ANXA7: variants seen among roughly 807,000 people sequenced by gnomAD.
ANXA7 encodes the protein annexin VII.
A neutral mutation model predicts 64.9 loss-of-function variants in ANXA7; 55 were observed. The ratio of observed to expected loss-of-function variants is 0.85; its 90% confidence interval spans 0.68 to 1.06. The LOEUF (loss-of-function observed/expected upper bound fraction) is 1.06, where lower values mean the gene tolerates loss of function less well. Ranked by LOEUF, ANXA7 falls within the 50% of genes least tolerant of loss-of-function variation. ANXA7 has a pLI of 0.00. For missense variants in ANXA7, 548 were observed against 582.1 expected (o/e 0.94, Z 0.60); for synonymous variants, 200 against 192.4 (o/e 1.04, Z -0.33).
intron 3 of ANXA7, 79 bp downstream of exon 3, chr10:73,398,102 G>A (rs1476542096): frequency 7.1e-6 from 10 of 1,410,116 alleles, no homozygotes; most frequent in Non-Finnish European, 9.6e-6. Context: ...AAAACAAGCA[G>A]GAATGAAGAG....
chr10:73,412,271 G>C (rs546564619), intron 1 of ANXA7, among the ~76,000 whole-genome samples: 10 of 151,600 alleles, frequency 6.6e-5, no homozygotes, highest in Non-Finnish European at 1.2e-4. Context: ...TCCTGACCTC[G>C]TGATCCTCCC....
intron 12 of ANXA7, among the ~76,000 whole-genome samples, chr10:73,377,063 T>C (rs1236105901): frequency 6.6e-6 from 1 of 152,164 alleles, no homozygotes; most frequent in Non-Finnish European, 1.5e-5. Flanking sequence ...TTTTGCAAGT[T>C]GAAAAAACAT....
At chr10:73,405,128 A>G (rs913442105) in intron 1 of ANXA7, among the ~76,000 whole-genome samples, 12 of 152,116 alleles carry the variant, frequency 7.9e-5, no homozygotes, top group African/African-American at 2.4e-4. Context: ...CTGTAGTCCC[A>G]GCTACTTGGA....
At chr10:73,409,377 G>A (rs1589668080) in intron 1 of ANXA7, among the ~76,000 whole-genome samples, 1 of 152,116 alleles carries the variant, frequency 6.6e-6, no homozygotes. Flanking sequence ...AAACGTCCAA[G>A]CTGAGAATCA....
chr10:73,387,749 G>A lies in ANXA7; in HGVS notation c.573C>T (p.Ala191=). The change falls in exon 7 of 13, where the codon GCC becomes GCT. Residue 191 remains alanine, a synonymous_variant. Coordinates refer to ENST00000372921, the MANE Select transcript of ANXA7 (RefSeq NM_001156.5). ...TDEQAIVDVV[A]NRSNDQRQKI... is the part of the protein sequence containing the mutation. ...TTTGCCTCTGATCATTGGAACGGTTGGCCACCACATCCACAATTGCCTGCT... is the reference window on the plus strand; with the variant it reads ...TTTGCCTCTGATCATTGGAACGGTTAGCCACCACATCCACAATTGCCTGCT... 6.2e-7 allele frequency: 1 copy of A among 1,613,664 alleles called. No individual in the cohort carries two copies. Among genetic ancestry groups the A allele is most frequent in the Non-Finnish European group, 8.5e-7 (1 of 1,179,954 alleles).
rs1429859984 is a variant in ANXA7 at position 73,395,955 on chromosome 10, A to T, written c.435+564T>A. 4 of 835,362 alleles carry T rather than the reference A, an allele frequency of 4.8e-6. No individual in the cohort carries two copies. The East Asian group carries it at 9.8e-5, about 20-fold the overall frequency. The allele number at this position is 835,362 out of a possible 1,614,324, so 51.7% of individuals were successfully genotyped here. Reference sequence around the variant, plus strand: ...AAATAGATACAGGTGAGCCCTTAAGAAGTAGTGAGAGACAAGTACATGAGA... The same window carrying T: ...AAATAGATACAGGTGAGCCCTTAAGTAGTAGTGAGAGACAAGTACATGAGA... On this transcript the variant is annotated intron_variant, in intron 5 of 12. Transcript: ENST00000372921.
intron 9 of ANXA7, 34 bp downstream of exon 9, chr10:73,383,141 T>G: frequency 6.4e-7 from 1 of 1,553,586 alleles, no homozygotes; most frequent in Middle Eastern, 1.7e-4. Context: ...GTATGTTCCC[T>G]CTATCAACGC....
rs764393368 is a variant in ANXA7 at position 73,388,421 on chromosome 10, A to G, written c.436-7T>C. On this transcript the variant is annotated splice_region_variant and splice_polypyrimidine_tract_variant and intron_variant, in intron 5 of 12. Transcript: ENST00000372921. The stretch of plus-strand genomic sequence containing the variant: ...CCTGAGTCACTGTGGCAGGCTGAAA[A>G]TAAAAGGCATAAAATCCGTGTCAGC... 2.5e-5 allele frequency: 40 copies of G among 1,600,990 alleles called. No homozygotes were observed. The highest frequency in any genetic ancestry group is 3.3e-5 in the Non-Finnish European group (39 of 1,168,608).
chr10:73,412,744 C>T (rs2055864770), intron 1 of ANXA7, among the ~76,000 whole-genome samples: 1 of 151,714 alleles, frequency 6.6e-6, no homozygotes, highest in Non-Finnish European at 1.5e-5. Context: ...GAATCTCTCG[C>T]CTCGGCCTCC....
At chr10:73,398,422 A>C in intron 2 of ANXA7, 37 bp from the exon 3 acceptor site, 1 of 1,545,984 alleles carries the variant, frequency 6.5e-7, no homozygotes, top group Non-Finnish European at 8.9e-7. Flanking sequence ...AAATACGATC[A>C]TAGAGAAATA....
intron 1 of ANXA7, chr10:73,408,499 T>G (rs2055792542): frequency 1.3e-5 from 2 of 152,148 alleles, no homozygotes; most frequent in South Asian, 4.1e-4. Flanking sequence ...TTTCTAAGTT[T>G]CAAGAAATTG....
chr10:73,399,921 C>T (rs894180571), intron 2 of ANXA7, among the ~76,000 whole-genome samples: 2 of 151,990 alleles, frequency 1.3e-5, no homozygotes, highest in African/African-American at 4.8e-5. Context: ...GAGGGCAGAT[C>T]ATTTGAGGTC....
intron 12 of ANXA7, among the ~76,000 whole-genome samples, chr10:73,378,435 T>G (rs1449079331): frequency 2.6e-5 from 4 of 151,734 alleles, no homozygotes; most frequent in Admixed American, 2.0e-4. Flanking sequence ...AAAAAAATTT[T>G]TTGTAAGTGG....
At chr10:73,390,422 C>G (rs762471064) in intron 5 of ANXA7, among the ~76,000 whole-genome samples, 1 of 152,070 alleles carries the variant, frequency 6.6e-6, no homozygotes, top group Non-Finnish European at 1.5e-5. Flanking sequence ...CTACTAGTTT[C>G]CAAGCTAGGG....
At chr10:73,400,181 C>T (rs1184069823) in intron 2 of ANXA7, among the ~76,000 whole-genome samples, 3 of 151,918 alleles carry the variant, frequency 2.0e-5, no homozygotes, top group Non-Finnish European at 4.4e-5. Flanking sequence ...CTGAAACGCA[C>T]AATTCTTACT....
intron 1 of ANXA7, among the ~76,000 whole-genome samples, chr10:73,413,469 G>A (rs1355355985): frequency 6.6e-6 from 1 of 152,198 alleles, no homozygotes; most frequent in African/African-American, 2.4e-5. Flanking sequence ...TTTGCTGCTG[G>A]TCGGGGAACA....
intron 1 of ANXA7, among the ~76,000 whole-genome samples, chr10:73,409,301 T>C (rs1371324021): frequency 6.6e-6 from 1 of 152,180 alleles, no homozygotes; most frequent in Non-Finnish European, 1.5e-5. Context: ...ATTTGATAAA[T>C]GAAATCGGTA....
Position 73,398,336 on chromosome 10 carries a change from G to A in ANXA7, c.104C>T (p.Pro35Leu), listed in dbSNP as rs1466700773. Reference sequence around the variant, plus strand: ...TCCTCCCATTGGAGGAAAGCCACTAGGATAAGGATACTGACCAGAAGGGGG... The same window carrying A: ...TCCTCCCATTGGAGGAAAGCCACTAAGATAAGGATACTGACCAGAAGGGGG... Reference protein sequence around the residue: ...SFPPSGQYPYPSGFPPMGGGA... With the variant: ...SFPPSGQYPYLSGFPPMGGGA... The change falls in exon 3 of 13, where the codon CCT becomes CTT. Residue 35 changes from proline (P) to leucine (L), a missense_variant. Pro to Leu is a moderately conservative substitution (Grantham distance 98, BLOSUM62 -3). Coordinates refer to ENST00000372921, the MANE Select transcript of ANXA7 (RefSeq NM_001156.5). 1.9e-6 allele frequency: 3 copies of A among 1,613,904 alleles called. No individual in the cohort carries two copies. The highest frequency in any genetic ancestry group is 2.2e-5 in the East Asian group (1 of 44,884).
intron 5 of ANXA7, among the ~76,000 whole-genome samples, chr10:73,389,812 C>A (rs934678077): frequency 6.6e-6 from 1 of 152,042 alleles, no homozygotes; most frequent in Non-Finnish European, 1.5e-5. Context: ...TTTGTAGAGA[C>A]GGGGGTCTTG....
Sources: allele counts gnomAD v4.1 joint callset (sites outside exome capture counted in the v4.1 genomes callset), GRCh38; gene constraint gnomAD v4.1.1; transcripts MANE v1.5; gene names NCBI Gene and HGNC (gene_info 2026-07-23, HGNC 2026-07-21).